AOPEP: variants seen among roughly 807,000 people sequenced by gnomAD.
AOPEP encodes the protein aminopeptidase O.
Under a neutral mutation model 98.1 loss-of-function variants are expected in AOPEP, and 77 were observed. The ratio of observed to expected loss-of-function variants is 0.78; its 90% CI spans 0.65 to 0.95. The LOEUF (loss-of-function observed/expected upper bound fraction) is 0.95. Ranked by LOEUF, AOPEP falls within the 40% of genes least tolerant of loss-of-function variation. AOPEP has a pLI of 0.00. For synonymous variants in AOPEP, 346 were observed against 365.3 expected, an observed-to-expected ratio of 0.95 and a Z score of 0.60; for missense variants, 1,024 against 1,024.7, an observed-to-expected ratio of 1.00 and a Z score of 0.01.
At chr9:95,015,820 T>C (rs752537565) in intron 13 of AOPEP, among the ~76,000 whole-genome samples, 1 of 152,150 alleles carries the variant, frequency 6.6e-6, no homozygotes, top group Non-Finnish European at 1.5e-5. Flanking sequence ...ATTTGTATTC[T>C]CAAAATCCAG....
intron 5 of AOPEP, among the ~76,000 whole-genome samples, chr9:94,819,209 C>T (rs1318935088): frequency 6.6e-6 from 1 of 152,176 alleles, no homozygotes; most frequent in African/African-American, 2.4e-5. Context: ...CTGTCAGCTC[C>T]TGAAACAGCT....
intron 13 of AOPEP, among the ~76,000 whole-genome samples, chr9:95,055,887 G>A (rs1262977059): frequency 3.4e-5 from 5 of 147,044 alleles, no homozygotes; most frequent in Admixed American, 7.0e-5. Flanking sequence ...CACCCCCACC[G>A]TTTCTTCTGT....
At chr9:94,831,555 A>G (rs1480169797) in intron 5 of AOPEP, among the ~76,000 whole-genome samples, 2 of 152,136 alleles carry the variant, frequency 1.3e-5, no homozygotes, top group Non-Finnish European at 2.9e-5. Context: ...TTGGTTTCAT[A>G]TGAATTTTAA....
chr9:94,856,411 G>A (rs1399234732), intron 5 of AOPEP, among the ~76,000 whole-genome samples: 3 of 152,170 alleles, frequency 2.0e-5, no homozygotes, highest in Admixed American at 2.0e-4. Flanking sequence ...GGAGGCTGAG[G>A]CGGGCGGATC....
chr9:94,818,949 A>G (rs1852333281), intron 5 of AOPEP, among the ~76,000 whole-genome samples: 1 of 152,226 alleles, frequency 6.6e-6, no homozygotes. Flanking sequence ...AGCCGAGATC[A>G]TGCCACTGCA....
chr9:95,110,909 T>C, the AOPEP span: 2,033 of 1,300,494 alleles, frequency 1.6e-3, 29 homozygotes, highest in African/African-American at 0.027. Flanking sequence ...TGCTCTGTTA[T>C]TTAGGAAATG....
chr9:95,065,789 G>A (rs560772900), intron 14 of AOPEP, among the ~76,000 whole-genome samples: 73 of 152,302 alleles, frequency 4.8e-4, no homozygotes, highest in African/African-American at 1.7e-3. Context: ...GCATTAGGCC[G>A]TTTCTCACAG....
intron 7 of AOPEP, among the ~76,000 whole-genome samples, chr9:94,936,167 A>G (rs1284065945): frequency 6.6e-6 from 1 of 152,006 alleles, no homozygotes; most frequent in East Asian, 1.9e-4. Context: ...GCCACCAGAG[A>G]GCTCTCCTTA....
chr9:94,999,153 A>C (rs145547610), intron 11 of AOPEP, among the ~76,000 whole-genome samples: 1 of 152,114 alleles, frequency 6.6e-6, no homozygotes, highest in East Asian at 1.9e-4. Context: ...AAAACAAAAA[A>C]CCCCAAAAAA....
At position 95,036,290 on chromosome 9, in the gene AOPEP, A is replaced by C. The variant is rs556552373; in HGVS notation, c.2116-24404A>C. ...AAAACATTTCATATTTGAAAGCATG[A>C]AAATAAAATGTTTTATTTCTTTAAG... On this transcript the variant is annotated intron_variant, in intron 13 of 16. Transcript: ENST00000375315. Among the ~76,000 whole-genome samples the C allele has an allele frequency of 2.9e-4, 44 of 152,340 alleles. No homozygotes were observed. The South Asian group carries it at 9.1e-3, about 32-fold the overall frequency.
chr9:94,807,643 C>T (rs1368012962), intron 5 of AOPEP, among the ~76,000 whole-genome samples: 1 of 152,196 alleles, frequency 6.6e-6, no homozygotes, highest in Non-Finnish European at 1.5e-5. Flanking sequence ...AGAACATACA[C>T]ACTCCCTGGG....
chr9:94,771,527 A>C (rs1840873493), intron 2 of AOPEP, among the ~76,000 whole-genome samples: 1 of 152,154 alleles, frequency 6.6e-6, no homozygotes, highest in Non-Finnish European at 1.5e-5. Flanking sequence ...TTCTGCTCTT[A>C]TTGTGATCTT....
intron 5 of AOPEP, chr9:94,921,129 A>ATTATC (rs1176486616): frequency 2.6e-5 from 4 of 152,044 alleles, no homozygotes; most frequent in Admixed American, 2.6e-4. Context: ...CATTGAAGTG[A>ATTATC]TTATCTTCCA....
chr9:95,052,147 A>G (rs372587516), intron 13 of AOPEP, among the ~76,000 whole-genome samples: 1 of 152,200 alleles, frequency 6.6e-6, no homozygotes, highest in East Asian at 1.9e-4. Flanking sequence ...TTGTTAATTG[A>G]CAGCTATTCT....
intron 13 of AOPEP, among the ~76,000 whole-genome samples, chr9:95,037,632 G>A (rs1021593490): frequency 1.3e-5 from 2 of 152,294 alleles, no homozygotes; most frequent in African/African-American, 2.4e-5. Flanking sequence ...GAAGGACTTA[G>A]GAAAGAGCAT....
At chr9:94,933,569 C>T in intron 7 of AOPEP, 1 of 985,302 alleles carries the variant, frequency 1.0e-6, no homozygotes, top group Non-Finnish European at 1.2e-6. Flanking sequence ...TAACCTTCCT[C>T]CTGAATGCCT....
At chr9:94,892,604 G>T (rs2048999366) in intron 5 of AOPEP, among the ~76,000 whole-genome samples, 1 of 152,240 alleles carries the variant, frequency 6.6e-6, no homozygotes, top group Admixed American at 6.5e-5. Context: ...CATTTGGAGG[G>T]TGAAGAGAAA....
At position 94,903,742 on chromosome 9, in the gene AOPEP, A is replaced by T. The variant is rs147284444; in HGVS notation, c.1365-20244A>T. On this transcript the variant is annotated intron_variant, in intron 5 of 16. Coordinates refer to ENST00000375315, the MANE Select transcript of AOPEP (RefSeq NM_001193329.3). Reference sequence around the variant, plus strand: ...CTTGAGCCCAGCAGTTCAAGGTTACAGTGAGCTAATTAGCTGGGTGTGGTG... The same window carrying T: ...CTTGAGCCCAGCAGTTCAAGGTTACTGTGAGCTAATTAGCTGGGTGTGGTG... 3.5e-3 allele frequency among the ~76,000 whole-genome samples: 538 copies of T among 151,880 alleles called. 1 individual carries two copies. The highest frequency in any genetic ancestry group is 6.0e-3 in the Non-Finnish European group (405 of 67,950).
At chr9:94,771,386 C>T (rs1054880939) in intron 2 of AOPEP, among the ~76,000 whole-genome samples, 3 of 152,192 alleles carry the variant, frequency 2.0e-5, no homozygotes, top group Non-Finnish European at 2.9e-5. Flanking sequence ...GGTAAGTTGG[C>T]AACCCAGGTG....
Sources: allele counts gnomAD v4.1 joint callset (sites outside exome capture counted in the v4.1 genomes callset), GRCh38; gene constraint gnomAD v4.1.1; transcripts MANE v1.5; gene names NCBI Gene and HGNC (gene_info 2026-07-23, HGNC 2026-07-21).